Variants in XIST observed in about 807,000 individuals in gnomAD.
XIST encodes the protein X inactive specific transcript, also known as X inactive specific transcript (non-protein coding).
chrX:73,845,460 T>C (rs1175584138), exon 1 of XIST: 1 of 548,649 alleles, frequency 1.8e-6, no homozygotes, highest in Non-Finnish European at 3.3e-6. Flanking sequence ...ATTGTCCAAA[T>C]GTAAGGGTAT....
chrX:73,827,393 C>G, exon 6 of XIST: 1 of 556,506 alleles, frequency 1.8e-6, no homozygotes, highest in Non-Finnish European at 3.2e-6. Context: ...CTGAAATACT[C>G]AAAGGTGAGT....
chrX:73,828,445 T>C (rs1326968380), intron 5 of XIST: 1 of 119,041 alleles, frequency 8.4e-6, no homozygotes, highest in Non-Finnish European at 1.7e-5. Flanking sequence ...GTCATATACC[T>C]AATGAGTAGC....
At chrX:73,834,561 T>C (rs1386232073) in intron 2 of XIST, among the ~76,000 whole-genome samples, 2 of 112,474 alleles carry the variant, frequency 1.8e-5, no homozygotes, top group African/African-American at 3.2e-5. Flanking sequence ...GACAAGAATT[T>C]TGAGAATCCG....
intron 1 of XIST, among the ~76,000 whole-genome samples, chrX:73,840,342 G>C (rs915242600): frequency 9.0e-6 from 1 of 111,014 alleles, no homozygotes; most frequent in Non-Finnish European, 1.9e-5. Flanking sequence ...CAAGCCCTGA[G>C]GAAATATGGA....
At chrX:73,850,060 G>A in exon 1 of XIST, 1 of 559,050 alleles carries the variant, frequency 1.8e-6, no homozygotes, top group Non-Finnish European at 3.2e-6. Context: ...ATAAGTAGGT[G>A]ATTAGTCAAT....
chrX:73,835,023 A>C (rs1395211244), intron 2 of XIST, among the ~76,000 whole-genome samples: 1 of 110,528 alleles, frequency 9.0e-6, no homozygotes, highest in East Asian at 2.8e-4. Flanking sequence ...ATAATTCAAC[A>C]TTTTCATTCT....
exon 6 of XIST, chrX:73,820,700 C>A (rs772215331): frequency 5.5e-6 from 3 of 545,709 alleles, no homozygotes; most frequent in Non-Finnish European, 9.9e-6. Flanking sequence ...ACCAACTCCC[C>A]AGTTTGTTTC....
chrX:73,828,144 A>G, intron 5 of XIST: 1 of 426,748 alleles, frequency 2.3e-6, no homozygotes, highest in Admixed American at 4.3e-5. Context: ...TGTTACTACG[A>G]ATACTACTTA....
Position 73,844,611 on chromosome X carries a change from C to A in XIST, n.8113G>T, listed in dbSNP as rs1569512387. The A allele has an allele frequency of 9.0e-6, 5 of 557,908 alleles. No homozygotes were observed. In the Admixed American group the frequency reaches 1.1e-4, roughly 12 times the overall value. The allele number at this position is 557,908 out of a possible 1,213,427, so 46.0% of individuals were successfully genotyped here. The stretch of plus-strand genomic sequence containing the variant: ...GTAAGGGTCTTATGGAGTGAGCACT[C>A]CCTGCTGGGAGGAAAAGAAAGATTA... On this transcript the variant is annotated non_coding_transcript_exon_variant, in exon 1 of 6. Coordinates refer to ENST00000429829, the Ensembl canonical transcript of XIST.
exon 6 of XIST, chrX:73,824,656 C>T (rs752985890): frequency 4.3e-5 from 24 of 555,162 alleles, no homozygotes; most frequent in Non-Finnish European, 6.8e-5. Context: ...ATACAGAAAG[C>T]ATCAAATTTT....
chrX:73,844,173 A>G (rs1460057211), exon 1 of XIST: 1 of 556,807 alleles, frequency 1.8e-6, no homozygotes, highest in East Asian at 3.3e-5. Context: ...CAAGCCAAGA[A>G]AAGGGGACTT....
chrX:73,849,198 T>C (rs758280685), exon 1 of XIST: 12 of 559,204 alleles, frequency 2.1e-5, no homozygotes, highest in South Asian at 2.0e-4. Flanking sequence ...CTTTGTTCTT[T>C]AATTGTCCAA....
exon 6 of XIST, chrX:73,821,931 G>A (rs1370449233): frequency 1.8e-6 from 1 of 556,646 alleles, no homozygotes; most frequent in Admixed American, 2.2e-5. Context: ...GGTATAATTA[G>A]AGAAGCTGTT....
chrX:73,842,017 T>C (rs1922601614), exon 1 of XIST: 2 of 546,052 alleles, frequency 3.7e-6, no homozygotes, highest in Admixed American at 2.3e-5. Context: ...GATATTAAAA[T>C]AGCAAGAGTC....
exon 6 of XIST, chrX:73,821,341 T>C: frequency 1.8e-6 from 1 of 554,249 alleles, no homozygotes; most frequent in Non-Finnish European, 3.3e-6. Flanking sequence ...ATGTATGAAC[T>C]ACAATGAACA....
At chrX:73,852,249 G>C (rs951784981) in exon 1 of XIST, 4 of 544,968 alleles carry the variant, frequency 7.3e-6, no homozygotes, top group South Asian at 7.1e-5. Flanking sequence ...ACCCCGATGG[G>C]CTAAGGAAAA....
At chrX:73,836,879 C>G (rs192995929) in intron 2 of XIST, among the ~76,000 whole-genome samples, 1 of 111,531 alleles carries the variant, frequency 9.0e-6, no homozygotes, top group Admixed American at 9.6e-5. Context: ...AAATGAAAGA[C>G]CTCCCAATGG....
chrX:73,835,580 T>G (rs778837438), intron 2 of XIST, among the ~76,000 whole-genome samples: 1 of 112,449 alleles, frequency 8.9e-6, no homozygotes, highest in Non-Finnish European at 1.9e-5. Context: ...ATTATAGATG[T>G]AGGCAAACAG....
At chrX:73,842,511 G>A (rs1261440918) in exon 1 of XIST, 6 of 555,852 alleles carry the variant, frequency 1.1e-5, no homozygotes, top group Non-Finnish European at 1.9e-5. Context: ...AAGAAAATGA[G>A]TGAAGGCTTA....
Sources: gnomAD v4.1 joint callset for allele counts (sites outside exome capture counted in the v4.1 genomes callset) on GRCh38, gnomAD v4.1.1 for gene constraint, MANE v1.5 for transcripts, NCBI Gene and HGNC (gene_info 2026-07-23, HGNC 2026-07-21) for gene names.